The following PEX14 variants were observed in gnomAD, a reference collection of about 807,000 sequenced individuals.
The protein encoded by PEX14 is peroxisomal biogenesis factor 14, also known as peroxisomal membrane protein PEX14.
PEX14 carries 15 observed loss-of-function variants against 49.5 expected under a neutral mutation model. That is an observed-to-expected ratio of 0.30 (90% CI 0.20 to 0.47). The LOEUF (loss-of-function observed/expected upper bound fraction) is 0.47, where lower values mean the gene tolerates loss of function less well. Among genes scored for constraint, PEX14 ranks in the 20% least tolerant of loss-of-function variants. The pLI is 1.00. For synonymous variants in PEX14, 210 were observed against 212.7 expected (o/e 0.99, Z 0.11); for missense variants, 398 against 494.8 (o/e 0.80, Z 1.86).
chr1:10,608,904 A>C (rs561873164), intron 4 of PEX14, among the ~76,000 whole-genome samples: 2 of 152,074 alleles, frequency 1.3e-5, no homozygotes, highest in Admixed American at 1.3e-4. Flanking sequence ...CTTTGGGCCC[A>C]TTTACTGTTA....
intron 1 of PEX14, among the ~76,000 whole-genome samples, chr1:10,481,412 G>A (rs1641281847): frequency 6.6e-6 from 1 of 151,684 alleles, no homozygotes; most frequent in East Asian, 1.9e-4. Flanking sequence ...AGTGCTGGGA[G>A]CCACCGCGTC....
At chr1:10,599,139 A>G in intron 3 of PEX14, 99 bp from the exon 4 acceptor site, 3 of 1,252,980 alleles carry the variant, frequency 2.4e-6, no homozygotes, top group Non-Finnish European at 3.5e-6. Flanking sequence ...GATGCGAGGC[A>G]TTCTGTGGCT....
intron 3 of PEX14, among the ~76,000 whole-genome samples, chr1:10,571,279 GA>G (rs1173353873): frequency 6.7e-6 from 1 of 148,248 alleles, no homozygotes; most frequent in Non-Finnish European, 1.5e-5. Context: ...CTGGATGGTG[GA>G]AATGTGTGTT....
intron 3 of PEX14, among the ~76,000 whole-genome samples, chr1:10,544,152 G>A (rs2124497205): frequency 6.6e-6 from 1 of 152,222 alleles, no homozygotes; most frequent in South Asian, 2.1e-4. Context: ...AGTATGTAGT[G>A]GGCAGGTTAA....
chr1:10,608,731 TA>T lies in PEX14; in HGVS notation c.298+9374del, dbSNP rs778988561. On this transcript the variant is annotated intron_variant, in intron 4 of 8. Transcript: ENST00000356607. ...TGGGTCTGTTTCTAGATTCCTCTTT[TA>T]AAAAAAAATAAAAAAAAAAACAAAG... Among the ~76,000 whole-genome samples the T allele has an allele frequency of 5.3e-3, 791 of 149,870 alleles. 6 individuals carry two copies. Among genetic ancestry groups the T allele is most frequent in the African/African-American group, 0.016 (639 of 40,928 alleles).
At chr1:10,523,846 A>T (rs1638381385) in intron 2 of PEX14, among the ~76,000 whole-genome samples, 1 of 132,380 alleles carries the variant, frequency 7.6e-6, no homozygotes, top group Non-Finnish European at 1.7e-5. Context: ...AAAAAAAAAA[A>T]ATCCAAGAGA....
chr1:10,532,417 C>T (rs999156575), intron 2 of PEX14, among the ~76,000 whole-genome samples: 2 of 152,060 alleles, frequency 1.3e-5, no homozygotes, highest in African/African-American at 2.4e-5. Context: ...CGGGGAGAAA[C>T]TGGTCTGTTT....
At chr1:10,518,206 A>G (rs1238025528) in intron 2 of PEX14, among the ~76,000 whole-genome samples, 1 of 151,962 alleles carries the variant, frequency 6.6e-6, no homozygotes, top group Non-Finnish European at 1.5e-5. Context: ...GTCCCTGACT[A>G]TTTGCATCTC....
chr1:10,478,495 A>G (rs1641232463), intron 1 of PEX14, among the ~76,000 whole-genome samples: 1 of 152,150 alleles, frequency 6.6e-6, no homozygotes, highest in Non-Finnish European at 1.5e-5. Flanking sequence ...TCATAATGGT[A>G]TAGTCTTTTT....
At chr1:10,568,623 G>A (rs758239602) in intron 3 of PEX14, among the ~76,000 whole-genome samples, 16 of 152,040 alleles carry the variant, frequency 1.1e-4, no homozygotes, top group Non-Finnish European at 1.8e-4. Context: ...CAGAATAGCC[G>A]TAAGTATGTG....
chr1:10,488,886 T>C (rs1017536336), intron 1 of PEX14, among the ~76,000 whole-genome samples: 1 of 152,260 alleles, frequency 6.6e-6, no homozygotes, highest in African/African-American at 2.4e-5. Flanking sequence ...GTAACACCTG[T>C]CTTACTGTTC....
chr1:10,513,465 C>T (rs189836534), intron 2 of PEX14, among the ~76,000 whole-genome samples: 3 of 152,248 alleles, frequency 2.0e-5, no homozygotes, highest in Non-Finnish European at 2.9e-5. Flanking sequence ...AGTTTCTGGC[C>T]GTTTTAATTG....
intron 7 of PEX14, among the ~76,000 whole-genome samples, chr1:10,626,499 C>T (rs777801073): frequency 6.6e-6 from 1 of 152,210 alleles, no homozygotes; most frequent in Non-Finnish European, 1.5e-5. Context: ...TGGGGTGAGC[C>T]CACAGCAGCC....
At chr1:10,523,962 CT>C (rs1638385745) in intron 2 of PEX14, among the ~76,000 whole-genome samples, 3 of 151,740 alleles carry the variant, frequency 2.0e-5, no homozygotes, top group African/African-American at 7.3e-5. Flanking sequence ...TCCTTTATTA[CT>C]TTAACTGTTT....
intron 2 of PEX14, among the ~76,000 whole-genome samples, chr1:10,510,366 G>A (rs561347731): frequency 6.6e-6 from 1 of 152,342 alleles, no homozygotes; most frequent in South Asian, 2.1e-4. Context: ...GAAACAGCAG[G>A]TTTCTGTGCA....
chr1:10,565,044 C>T (rs1388019550), intron 3 of PEX14, among the ~76,000 whole-genome samples: 5 of 151,838 alleles, frequency 3.3e-5, no homozygotes, highest in East Asian at 3.9e-4. Flanking sequence ...GTTGGGACTA[C>T]AGGTGTGCAC....
intron 2 of PEX14, chr1:10,524,397 G>C: frequency 2.2e-6 from 2 of 896,678 alleles, no homozygotes; most frequent in Non-Finnish European, 2.7e-6. Context: ...GAACTTCTCT[G>C]TTTCTCAGAC....
chr1:10,600,245 C>A (rs1640944443), intron 4 of PEX14, among the ~76,000 whole-genome samples: 1 of 152,064 alleles, frequency 6.6e-6, no homozygotes, highest in East Asian at 1.9e-4. Context: ...CATGATGAAA[C>A]CCTGTCTCTA....
At chr1:10,582,614 G>T (rs535921741) in intron 3 of PEX14, among the ~76,000 whole-genome samples, 1 of 152,200 alleles carries the variant, frequency 6.6e-6, no homozygotes, top group African/African-American at 2.4e-5. Context: ...TGGAACATCA[G>T]GGGTGGAAGA....
Sources: gnomAD v4.1 joint callset for allele counts (sites outside exome capture counted in the v4.1 genomes callset) on GRCh38, gnomAD v4.1.1 for gene constraint, MANE v1.5 for transcripts, NCBI Gene and HGNC (gene_info 2026-07-23, HGNC 2026-07-21) for gene names.